Variants in TSG101 observed in about 807,000 individuals in gnomAD.
TSG101 encodes tumor susceptibility gene 101 protein.
A neutral mutation model predicts 48.5 loss-of-function variants in TSG101; 19 were observed. That is an observed-to-expected ratio of 0.39 (90% confidence interval 0.27 to 0.58). The LOEUF (loss-of-function observed/expected upper bound fraction) is 0.58, where lower values mean the gene tolerates loss of function less well. Among genes scored for constraint, TSG101 ranks in the 20% least tolerant of loss-of-function variants. TSG101 has a pLI of 0.55. For synonymous variants in TSG101, 174 were observed against 169.4 expected (o/e 1.03, Z -0.21); for missense variants, 365 against 484.4 (o/e 0.75, Z 2.31).
chr11:18,516,493 T>C (rs7934817), intron 2 of TSG101, among the ~76,000 whole-genome samples: 55,672 of 151,368 alleles, frequency 0.37, 10,763 homozygotes, highest in East Asian at 0.66. Flanking sequence ...TACAGGCACG[T>C]GCCACCACAC....
chr11:18,525,759 C>T, intron 1 of TSG101: 1 of 807,226 alleles, frequency 1.2e-6, no homozygotes, highest in Non-Finnish European at 1.5e-6. Flanking sequence ...TACGATTACA[C>T]AACCAATATA....
chr11:18,511,701 T>C (rs535592213), intron 4 of TSG101, among the ~76,000 whole-genome samples: 1 of 152,328 alleles, frequency 6.6e-6, no homozygotes, highest in African/African-American at 2.4e-5. Context: ...CTTTTATTAT[T>C]TCACGAAGCT....
At chr11:18,522,698 C>G (rs1013483995) in intron 1 of TSG101, among the ~76,000 whole-genome samples, 2 of 152,208 alleles carry the variant, frequency 1.3e-5, no homozygotes, top group Non-Finnish European at 2.9e-5. Flanking sequence ...CTTACAATGG[C>G]CTGCAAGGCC....
chr11:18,517,355 C>T (rs1418614320), intron 2 of TSG101, among the ~76,000 whole-genome samples: 5 of 152,178 alleles, frequency 3.3e-5, no homozygotes, highest in African/African-American at 1.2e-4. Context: ...ATACCACACA[C>T]ATTTTTCTAT....
At chr11:18,511,903 T>TAAA in intron 4 of TSG101, among the ~76,000 whole-genome samples, 2 of 152,208 alleles carry the variant, frequency 1.3e-5, no homozygotes, top group Non-Finnish European at 2.9e-5. Flanking sequence ...TATGGCCTTT[T>TAAA]GTGCTTGGCT....
rs1001602949 is a variant in TSG101 at position 18,484,079 on chromosome 11, GAAACAGAGGCAAA to G, written c.641-20_641-8del. 1.9e-6 allele frequency: 3 copies of G among 1,613,202 alleles called. No individual in the cohort carries two copies. Among genetic ancestry groups the G allele is most frequent in the Non-Finnish European group, 2.5e-6 (3 of 1,179,392 alleles). On this transcript the variant is annotated splice_polypyrimidine_tract_variant and splice_region_variant and intron_variant, in intron 7 of 9. Transcript: ENST00000251968. ...GTGCCATCCCTACTGGGACCTGCAG[GAAACAGAGGCAAA>G]AAACACTTGCTTACTTCCCAAGTTC... is the stretch of plus-strand genomic sequence containing the variant.
chr11:18,493,292 A>C (rs1347379282), intron 7 of TSG101, among the ~76,000 whole-genome samples: 1 of 152,232 alleles, frequency 6.6e-6, no homozygotes, highest in Non-Finnish European at 1.5e-5. Flanking sequence ...CAATGGACCC[A>C]AAAATTCATT....
intron 7 of TSG101, among the ~76,000 whole-genome samples, chr11:18,500,495 ATTTTTT>A (rs1420192296): frequency 3.3e-5 from 5 of 151,498 alleles, no homozygotes; most frequent in Non-Finnish European, 1.5e-5. Flanking sequence ...TTATTTTTTT[ATTTTTT>A]GTCTTTTTAA....
In TSG101 at chr11:18,526,796, C is replaced by A; in HGVS notation, c.21G>T (p.Gln7His). 6.2e-7 allele frequency: 1 copy of A among 1,603,278 alleles called. No homozygotes were observed. Among genetic ancestry groups the A allele is most frequent in the Non-Finnish European group, 8.5e-7 (1 of 1,179,700 alleles). MAVSES[Q>H]LKKMVSKYKY... Reference sequence around the variant, plus strand: ...TCACCTTGGACACCATTTTCTTGAGCTGGCTCTCCGACACCGCCATGACGG... The same window carrying A: ...TCACCTTGGACACCATTTTCTTGAGATGGCTCTCCGACACCGCCATGACGG... The change falls in exon 1 of 10, where the codon CAG (glutamine) becomes CAT (histidine). Residue 7 changes from glutamine (Q) to histidine (H), a missense_variant. By Grantham distance (24) the Gln-to-His change is conservative. Transcript: ENST00000251968.
At chr11:18,499,288 A>T (rs1565087216) in intron 7 of TSG101, among the ~76,000 whole-genome samples, 4 of 115,072 alleles carry the variant, frequency 3.5e-5, no homozygotes, top group Admixed American at 3.3e-4. Context: ...TATATATCAT[A>T]TATATTTATA....
chr11:18,526,395 G>C (rs965637437), intron 1 of TSG101, among the ~76,000 whole-genome samples: 1 of 152,062 alleles, frequency 6.6e-6, no homozygotes, highest in Non-Finnish European at 1.5e-5. Flanking sequence ...GATTGGGACA[G>C]GAGTAGAGGA....
chr11:18,499,103 AAGAG>A (rs1849829644), intron 7 of TSG101, among the ~76,000 whole-genome samples: 1 of 150,336 alleles, frequency 6.7e-6, no homozygotes, highest in South Asian at 2.1e-4. Flanking sequence ...GAAGATAACA[AAGAG>A]AGTTACTTCA....
intron 9 of TSG101, chr11:18,481,263 T>C: frequency 1.0e-6 from 1 of 983,496 alleles, no homozygotes; most frequent in Non-Finnish European, 1.2e-6. Flanking sequence ...CTAAGAAAAT[T>C]AACAGATAAA....
chr11:18,510,757 G>A (rs527569060), intron 4 of TSG101, among the ~76,000 whole-genome samples: 10 of 149,344 alleles, frequency 6.7e-5, no homozygotes, highest in African/African-American at 2.2e-4. Context: ...AGACCAGCCT[G>A]GTCTCTACAA....
intron 1 of TSG101, among the ~76,000 whole-genome samples, chr11:18,526,525 C>T (rs1312277198): frequency 1.3e-5 from 2 of 152,238 alleles, no homozygotes; most frequent in East Asian, 3.9e-4. Flanking sequence ...GGGTGGGCGG[C>T]AGGTGTCAGG....
chr11:18,480,568 G>A lies in TSG101; in HGVS notation c.1151C>T (p.Ala384Val). 6.2e-7 allele frequency: 1 copy of A among 1,613,746 alleles called. No individual in the cohort carries two copies. Among genetic ancestry groups the A allele is most frequent in the East Asian group, 2.2e-5 (1 of 44,866 alleles). The change falls in exon 10 of 10, where the codon GCC (alanine) becomes GTC (valine). Residue 384 changes from alanine (A) to valine (V), a missense_variant. Ala to Val is a moderately conservative substitution (Grantham distance 64). Coordinates refer to ENST00000251968, the MANE Select transcript of TSG101 (RefSeq NM_006292.4). ...RALMQKARKT[A>V]GLSDLY ...AAGTCAGTAGAGGTCACTGAGACCGGCAGTCTTTCTTGCTTTTTGCATTAG... is the reference window on the plus strand; with the variant it reads ...AAGTCAGTAGAGGTCACTGAGACCGACAGTCTTTCTTGCTTTTTGCATTAG...
At chr11:18,496,266 A>T (rs953245469) in intron 7 of TSG101, among the ~76,000 whole-genome samples, 1 of 151,764 alleles carries the variant, frequency 6.6e-6, no homozygotes, top group Non-Finnish European at 1.5e-5. Context: ...GAGATTGACC[A>T]GCCTGGCTAA....
chr11:18,504,152 A>T (rs547151505), intron 6 of TSG101, among the ~76,000 whole-genome samples: 1 of 144,884 alleles, frequency 6.9e-6, no homozygotes, highest in African/African-American at 2.6e-5. Flanking sequence ...AGTAGCTGAG[A>T]TTATGCCACT....
In TSG101 at chr11:18,526,853, G is replaced by T. The variant is rs933627478; in HGVS notation, c.-37C>A. On this transcript the variant is annotated 5_prime_UTR_variant, in exon 1 of 10. Coordinates refer to ENST00000251968, the MANE Select transcript of TSG101 (RefSeq NM_006292.4). ...GGCGACTCCCTTCCCCGCAGGCAGA[G>T]GGTCAGCCGCTGCTGGGCTGCCCCA... 6.3e-7 allele frequency: 1 copy of T among 1,592,050 alleles called. No individual in the cohort carries two copies. Among genetic ancestry groups the T allele is most frequent in the Non-Finnish European group, 8.5e-7 (1 of 1,175,582 alleles).
Sources: allele counts gnomAD v4.1 joint callset (sites outside exome capture counted in the v4.1 genomes callset), GRCh38; gene constraint gnomAD v4.1.1; transcripts MANE v1.5; gene names NCBI Gene and HGNC (gene_info 2026-07-23, HGNC 2026-07-21).